SLC9A9: variants seen among roughly 807,000 people sequenced by gnomAD.
SLC9A9 encodes sodium/hydrogen exchanger 9.
Under a neutral mutation model 77.8 loss-of-function variants are expected in SLC9A9, and 62 were observed. That is an observed-to-expected ratio of 0.80 (90% confidence interval 0.65 to 0.98). The LOEUF (loss-of-function observed/expected upper bound fraction) is 0.98. Ranked by LOEUF, SLC9A9 falls within the 50% of genes least tolerant of loss-of-function variation. SLC9A9 has a pLI of 0.00. For missense variants in SLC9A9, 775 were observed against 774.9 expected (o/e 1.00, Z 0.00); for synonymous variants, 320 against 283.5 (o/e 1.13, Z -1.29).
At chr3:143,634,729 T>C (rs1230309226) in intron 6 of SLC9A9, among the ~76,000 whole-genome samples, 1 of 152,192 alleles carries the variant, frequency 6.6e-6, no homozygotes. Context: ...GAACTCTTTG[T>C]CTACAATTTT....
At chr3:143,277,972 C>CACTT (rs1459898637) in intron 14 of SLC9A9, among the ~76,000 whole-genome samples, 4 of 152,316 alleles carry the variant, frequency 2.6e-5, no homozygotes, top group Admixed American at 6.5e-5. Flanking sequence ...CCAGAGCTCA[C>CACTT]ACTTAAGATA....
intron 8 of SLC9A9, among the ~76,000 whole-genome samples, chr3:143,564,016 T>C (rs2037128761): frequency 1.3e-5 from 2 of 152,152 alleles, no homozygotes; most frequent in South Asian, 4.1e-4. Context: ...GTCCAGCACA[T>C]GTCAGGTACT....
At chr3:143,807,085 G>T (rs986163693) in intron 2 of SLC9A9, among the ~76,000 whole-genome samples, 1 of 152,138 alleles carries the variant, frequency 6.6e-6, no homozygotes, top group Non-Finnish European at 1.5e-5. Context: ...ACCGAAACAG[G>T]AGATGAGTGG....
At chr3:143,411,607 C>A (rs567952266) in intron 12 of SLC9A9, among the ~76,000 whole-genome samples, 8 of 152,240 alleles carry the variant, frequency 5.3e-5, no homozygotes, top group African/African-American at 1.9e-4. Flanking sequence ...AAATATCATT[C>A]TTAGTTCTAG....
intron 11 of SLC9A9, among the ~76,000 whole-genome samples, chr3:143,486,005 T>C (rs2035648215): frequency 6.6e-6 from 1 of 152,090 alleles, no homozygotes; most frequent in African/African-American, 2.4e-5. Context: ...TTCAAAGTTT[T>C]TAAAGAATGT....
At chr3:143,370,157 A>G (rs928037590) in intron 13 of SLC9A9, among the ~76,000 whole-genome samples, 1 of 152,218 alleles carries the variant, frequency 6.6e-6, no homozygotes, top group Non-Finnish European at 1.5e-5. Context: ...ATAATTTTTT[A>G]TGCAGCAATA....
At chr3:143,383,556 A>G (rs983126777) in intron 12 of SLC9A9, among the ~76,000 whole-genome samples, 1 of 152,248 alleles carries the variant, frequency 6.6e-6, no homozygotes, top group African/African-American at 2.4e-5. Context: ...TTACAAAAAT[A>G]TAAGACCATG....
At chr3:143,432,630 G>T (rs1164665773) in intron 12 of SLC9A9, among the ~76,000 whole-genome samples, 1 of 152,000 alleles carries the variant, frequency 6.6e-6, no homozygotes, top group African/African-American at 2.4e-5. Context: ...GGCTGATCTT[G>T]CCCACATTAT....
In SLC9A9 at chr3:143,653,605, G is replaced by T. The variant is rs75287456; in HGVS notation, c.650-1245C>A. On this transcript the variant is annotated intron_variant, in intron 5 of 15. Coordinates refer to ENST00000316549, the MANE Select transcript of SLC9A9 (RefSeq NM_173653.4). ...AGTAGGATTAAGAAGTTTGGAGCTT[G>T]TTCTTTCATAATAGAGAGTCATGAA... Among the ~76,000 whole-genome samples the T allele has an allele frequency of 3.8e-3, 573 of 152,234 alleles. 4 individuals carry two copies. The highest frequency in any genetic ancestry group is 0.013 in the African/African-American group (551 of 41,542).
intron 14 of SLC9A9, among the ~76,000 whole-genome samples, chr3:143,324,848 C>T (rs962187734): frequency 3.9e-5 from 6 of 152,098 alleles, no homozygotes; most frequent in African/African-American, 1.4e-4. Context: ...TATTTCCTAG[C>T]AATCTGCACT....
chr3:143,293,376 T>C (rs187030191), intron 14 of SLC9A9, among the ~76,000 whole-genome samples: 13 of 152,340 alleles, frequency 8.5e-5, no homozygotes, highest in Admixed American at 7.8e-4. Context: ...AAATCAATAT[T>C]GTGTACATAA....
intron 14 of SLC9A9, among the ~76,000 whole-genome samples, chr3:143,280,335 A>T (rs372054949): frequency 2.0e-5 from 3 of 152,188 alleles, no homozygotes; most frequent in African/African-American, 7.2e-5. Flanking sequence ...GAATCCAGGT[A>T]TGTAACACTG....
At chr3:143,282,490 C>T (rs937897612) in intron 14 of SLC9A9, among the ~76,000 whole-genome samples, 1 of 152,220 alleles carries the variant, frequency 6.6e-6, no homozygotes, top group African/African-American at 2.4e-5. Context: ...TATCCAGTCT[C>T]CCTCTCCTCC....
intron 5 of SLC9A9, among the ~76,000 whole-genome samples, chr3:143,667,064 C>T (rs1442143748): frequency 2.6e-5 from 4 of 152,176 alleles, no homozygotes; most frequent in Non-Finnish European, 5.9e-5. Flanking sequence ...AGGCATCATG[C>T]TACCTGACTT....
intron 12 of SLC9A9, among the ~76,000 whole-genome samples, chr3:143,404,956 CTT>C (rs931049630): frequency 5.3e-5 from 8 of 152,320 alleles, no homozygotes; most frequent in Non-Finnish European, 1.0e-4. Context: ...GCTTAAGCCT[CTT>C]AAGTCAGAAA....
At chr3:143,497,517 GC>G (rs2035855830) in intron 9 of SLC9A9, among the ~76,000 whole-genome samples, 1 of 152,160 alleles carries the variant, frequency 6.6e-6, no homozygotes, top group Non-Finnish European at 1.5e-5. Flanking sequence ...TGAGACAAAG[GC>G]CCCCACCTTT....
chr3:143,662,843 G>A (rs2039001729), intron 5 of SLC9A9, among the ~76,000 whole-genome samples: 1 of 152,152 alleles, frequency 6.6e-6, no homozygotes, highest in South Asian at 2.1e-4. Flanking sequence ...AAGGAGGCCT[G>A]CATGCCTCTG....
chr3:143,691,359 C>T (rs7653307), intron 5 of SLC9A9, among the ~76,000 whole-genome samples: 2,670 of 152,010 alleles, frequency 0.018, 64 homozygotes, highest in African/African-American at 0.06. Context: ...CATGAGCCAC[C>T]GCTCCCAGCT....
In SLC9A9 at chr3:143,808,431, G is replaced by A. The variant is rs975016758; in HGVS notation, c.379-11528C>T. 2.6e-4 allele frequency among the ~76,000 whole-genome samples: 40 copies of A among 152,092 alleles called. 1 individual carries two copies. The highest frequency in any genetic ancestry group is 1.1e-3 in the Admixed American group (17 of 15,270). The stretch of plus-strand genomic sequence containing the variant: ...CAGAAAATCAATCTAATTCTACTAG[G>A]TTTTGTATTTTATAATTGATTCTGG... On this transcript the variant is annotated intron_variant, in intron 2 of 15. Transcript: ENST00000316549.
Sources: allele counts gnomAD v4.1 joint callset (sites outside exome capture counted in the v4.1 genomes callset), GRCh38; gene constraint gnomAD v4.1.1; transcripts MANE v1.5; gene names NCBI Gene and HGNC (gene_info 2026-07-23, HGNC 2026-07-21).